The following AKAP13 variants were observed in gnomAD, a reference collection of about 807,000 sequenced individuals.
AKAP13 encodes the protein A-kinase anchor protein 13.
Under a neutral mutation model 264.5 loss-of-function variants are expected in AKAP13, and 80 were observed. That is an observed-to-expected ratio of 0.30 (90% CI 0.25 to 0.36). AKAP13 has a LOEUF of 0.36. AKAP13 is among the 10% of genes least tolerant of loss of function. The probability of loss-of-function intolerance (pLI) is 1.00; values close to 1 mark genes in which losing one functional copy is unlikely to be tolerated. For synonymous variants in AKAP13, 1,380 were observed against 1,250.2 expected (o/e 1.10, Z -2.19); for missense variants, 3,712 against 3,435.2 (o/e 1.08, Z -2.01).
chr15:85,418,848 G>C (rs1288235279), intron 1 of AKAP13, among the ~76,000 whole-genome samples: 2 of 152,164 alleles, frequency 1.3e-5, no homozygotes, highest in African/African-American at 4.8e-5. Context: ...AAGACCACAA[G>C]TGGCTAAGAC....
intron 1 of AKAP13, among the ~76,000 whole-genome samples, chr15:85,411,399 C>T (rs1319728049): frequency 6.6e-6 from 1 of 152,054 alleles, no homozygotes; most frequent in Non-Finnish European, 1.5e-5. Flanking sequence ...TTGTGGTTAT[C>T]TTGAGGTAAA....
Position 85,655,677 on chromosome 15 carries a change from T to C in AKAP13, c.4635T>C (p.Pro1545=). 6.2e-7 allele frequency: 1 copy of C among 1,614,212 alleles called. No homozygotes were observed. Among genetic ancestry groups the C allele is most frequent in the Non-Finnish European group, 8.5e-7 (1 of 1,180,038 alleles). ...EEEMDSITEV[P]ANCSVLRSSM... is the part of the protein sequence containing the mutation. The stretch of plus-strand genomic sequence containing the variant: ...AGATGGACAGTATCACTGAAGTGCC[T>C]GCAAACTGCTCTGTCCTAAGGAGCT... The change falls in exon 11 of 37, where the codon CCT becomes CCC. Residue 1545 remains proline (P), a synonymous_variant. Coordinates refer to ENST00000394518, the MANE Select transcript of AKAP13 (RefSeq NM_007200.5).
At position 85,654,927 on chromosome 15, in the gene AKAP13, C is replaced by T. The variant is rs1388754680; in HGVS notation, c.4375-490C>T. On this transcript the variant is annotated intron_variant, in intron 10 of 36. Transcript: ENST00000394518. Reference sequence around the variant, plus strand: ...TAGACCTAGGCCAGGCGCAGTGGCTCACGCCTGTAATCCCACCATTTTGGG... The same window carrying T: ...TAGACCTAGGCCAGGCGCAGTGGCTTACGCCTGTAATCCCACCATTTTGGG... Among the ~76,000 whole-genome samples, 3 of 152,178 alleles carry T rather than the reference C, an allele frequency of 2.0e-5. No individual in the cohort carries two copies. In the South Asian group the frequency reaches 6.2e-4, roughly 32 times the overall value.
rs945014699 is a variant in AKAP13 at position 85,743,656 on chromosome 15, G to A, written c.8223G>A (p.Lys2741=). 1.9e-6 allele frequency: 3 copies of A among 1,614,044 alleles called. No individual in the cohort carries two copies. Among genetic ancestry groups the A allele is most frequent in the African/African-American group, 2.7e-5 (2 of 74,906 alleles). Residue 2741 remains lysine, a synonymous_variant, in exon 36 of 37, where the codon AAG becomes AAA. Coordinates refer to ENST00000394518, the MANE Select transcript of AKAP13 (RefSeq NM_007200.5). ...GCATCTCTCGGACACACAAAGATAA[G>A]GGGCCTTTTCACATACTGAGTTCAA... ...RNSISRTHKD[K]GPFHILSSTS...
intron 8 of AKAP13, among the ~76,000 whole-genome samples, chr15:85,630,250 C>CACACAA (rs1567164660): frequency 3.3e-5 from 5 of 150,824 alleles, no homozygotes; most frequent in African/African-American, 4.9e-5. Context: ...CACACACACA[C>CACACAA]ACACACACAC....
rs567715781 is a variant in AKAP13 at position 85,655,507 on chromosome 15, A to G, written c.4465A>G (p.Ser1489Gly). ...ACTGGACCGACATTCTTCTCATGGCAGTGATGTGTCTCTCTCCCAGATTTT... is the reference window on the plus strand; with the variant it reads ...ACTGGACCGACATTCTTCTCATGGCGGTGATGTGTCTCTCTCCCAGATTTT... ...ASLDRHSSHG[S>G]DVSLSQILKP... The change falls in exon 11 of 37, where the codon AGT becomes GGT. Residue 1489 changes from serine to glycine, a missense_variant. This residue lies in a region of AKAP13 where 2,759 missense variants were observed against 2,411.7 expected (regional missense o/e 1.14). Coordinates refer to ENST00000394518, the MANE Select transcript of AKAP13 (RefSeq NM_007200.5). The G allele has an allele frequency of 9.3e-6, 15 of 1,614,216 alleles. No homozygotes were observed. The East Asian group carries it at 3.3e-4, about 36-fold the overall frequency.
At chr15:85,560,128 TAAAAAAAAAAA>T (rs55715424) in intron 5 of AKAP13, among the ~76,000 whole-genome samples, 3 of 54,578 alleles carry the variant, frequency 5.5e-5, no homozygotes, top group African/African-American at 1.3e-4. Flanking sequence ...TGTCTCCACC[TAAAAAAAAAAA>T]AAAAAAAAAA....
intron 1 of AKAP13, among the ~76,000 whole-genome samples, chr15:85,442,956 T>A (rs898835887): frequency 6.6e-6 from 1 of 152,172 alleles, no homozygotes; most frequent in East Asian, 1.9e-4. Context: ...AAAATTTGTT[T>A]CCTCTCTTCA....
At chr15:85,557,778 A>T (rs1347439463) in intron 5 of AKAP13, among the ~76,000 whole-genome samples, 1 of 152,202 alleles carries the variant, frequency 6.6e-6, no homozygotes, top group Non-Finnish European at 1.5e-5. Context: ...CCCACACGAC[A>T]GAACCTCTTT....
In AKAP13 at chr15:85,533,623, C is replaced by G. The variant is rs371046040; in HGVS notation, c.221C>G (p.Ala74Gly). The change falls in exon 4 of 37, where the codon GCT (alanine) becomes GGT (glycine). Residue 74 changes from alanine to glycine, a missense_variant. Transcript: ENST00000394518. ...GAAACAGTGAAGGTGCAGCTCTGTGCTTCCAAAGAGGGCCTTCCCGTGTTT... is the reference window on the plus strand; with the variant it reads ...GAAACAGTGAAGGTGCAGCTCTGTGGTTCCAAAGAGGGCCTTCCCGTGTTT... ...CCETVKVQLCASKEGLPVFVV... is the reference protein window; with the variant it reads ...CCETVKVQLCGSKEGLPVFVV... The G allele has an allele frequency of 1.7e-5, 28 of 1,613,768 alleles. No homozygotes were observed. In the African/African-American group the frequency reaches 3.6e-4, roughly 21 times the overall value.
chr15:85,462,667 T>C (rs1008096622), intron 1 of AKAP13, among the ~76,000 whole-genome samples: 7 of 152,074 alleles, frequency 4.6e-5, no homozygotes, highest in Non-Finnish European at 1.0e-4. Flanking sequence ...CACAGGAAAA[T>C]CTACTTAGAA....
chr15:85,454,142 C>T (rs558290093), intron 1 of AKAP13, among the ~76,000 whole-genome samples: 9 of 152,220 alleles, frequency 5.9e-5, no homozygotes, highest in South Asian at 2.1e-4. Flanking sequence ...CTGGTCAGTC[C>T]CCTGGATTCA....
intron 5 of AKAP13, among the ~76,000 whole-genome samples, chr15:85,565,762 CAG>C (rs1215895412): frequency 6.6e-6 from 1 of 152,190 alleles, no homozygotes; most frequent in African/African-American, 2.4e-5. Flanking sequence ...GGAGAGTGGA[CAG>C]AGAGAGAGCA....
intron 4 of AKAP13, among the ~76,000 whole-genome samples, chr15:85,538,500 T>C (rs1006860749): frequency 6.6e-6 from 1 of 150,968 alleles, no homozygotes; most frequent in Non-Finnish European, 1.5e-5. Context: ...CTTTTTTTTT[T>C]TTTTTTTGAG....
intron 10 of AKAP13, among the ~76,000 whole-genome samples, chr15:85,646,918 G>A (rs2082584816): frequency 6.6e-6 from 1 of 152,206 alleles, no homozygotes; most frequent in African/African-American, 2.4e-5. Flanking sequence ...CAGCAGAGAT[G>A]GCAAATGCTA....
chr15:85,423,827 T>A (rs1486934730), intron 1 of AKAP13, among the ~76,000 whole-genome samples: 2 of 152,238 alleles, frequency 1.3e-5, no homozygotes, highest in African/African-American at 2.4e-5. Flanking sequence ...AAGTCAAACT[T>A]ACTTCTGGGT....
At chr15:85,561,970 A>C (rs892589845) in intron 5 of AKAP13, among the ~76,000 whole-genome samples, 1 of 152,182 alleles carries the variant, frequency 6.6e-6, no homozygotes, top group African/African-American at 2.4e-5. Flanking sequence ...CAGCAGAGGT[A>C]GGTTTGTGTT....
At chr15:85,548,232 C>T (rs2077823905) in intron 5 of AKAP13, among the ~76,000 whole-genome samples, 1 of 152,132 alleles carries the variant, frequency 6.6e-6, no homozygotes, top group South Asian at 2.1e-4. Flanking sequence ...TTGGCTCTGC[C>T]ATTTGCAAAC....
At chr15:85,562,504 G>A (rs1194655158) in intron 5 of AKAP13, among the ~76,000 whole-genome samples, 2 of 145,236 alleles carry the variant, frequency 1.4e-5, no homozygotes, top group African/African-American at 5.1e-5. Context: ...GGTGGTGGTT[G>A]CAGTGAGCTG....
Sources: gnomAD v4.1 joint callset for allele counts (sites outside exome capture counted in the v4.1 genomes callset) on GRCh38, gnomAD v4.1.1 for gene constraint, gnomAD v4.1.1 regional missense constraint, MANE v1.5 for transcripts, NCBI Gene and HGNC (gene_info 2026-07-23, HGNC 2026-07-21) for gene names.